The following IQCE variants were observed in gnomAD, a reference collection of about 807,000 sequenced individuals.
IQCE encodes the protein IQ motif containing E, also known as IQ domain-containing protein E.
Under a neutral mutation model 96.0 loss-of-function variants are expected in IQCE, and 115 were observed. The observed-to-expected ratio is 1.20, with a 90% CI of 1.03 to 1.40. The LOEUF is 1.40. IQCE is among the 40% of genes most tolerant of loss of function. The pLI is 0.00. For synonymous variants in IQCE, 412 were observed against 371.2 expected, an observed-to-expected ratio of 1.11 and a Z score of -1.26; for missense variants, 1,041 against 909.1, an observed-to-expected ratio of 1.15 and a Z score of -1.87.
In IQCE at chr7:2,582,579, G is replaced by T; in HGVS notation, c.631-1G>T. The stretch of plus-strand genomic sequence containing the variant: ...GCCTGATGGGCACGTTCCCCGGGCA[G>T]GTCATTAACGGGCTGAAGCAGAGGA... On this transcript the variant is annotated splice_acceptor_variant, in intron 8 of 21. Coordinates refer to ENST00000402050, the MANE Select transcript of IQCE (RefSeq NM_152558.5). LOFTEE classifies it high-confidence loss of function. The T allele has an allele frequency of 1.2e-6, 2 of 1,613,952 alleles. No homozygotes were observed. The highest frequency in any genetic ancestry group is 1.7e-6 in the Non-Finnish European group (2 of 1,179,922).
At chr7:2,583,851 G>A (rs1372267077) in intron 10 of IQCE, 142 bp downstream of exon 10, 1 of 96,382 alleles carries the variant, frequency 1.0e-5, no homozygotes, top group East Asian at 3.4e-4. Flanking sequence ...GCGGCGGGGC[G>A]GAGGGCGGGC....
chr7:2,562,285 C>CATATATATATATATATATATAT (rs59044593), intron 1 of IQCE, among the ~76,000 whole-genome samples: 14 of 146,308 alleles, frequency 9.6e-5, no homozygotes, highest in African/African-American at 3.3e-4. Flanking sequence ...AATTAGGGTA[C>CATATATATATATATATATATAT]ATATATATAT....
intron 17 of IQCE, 45 bp downstream of exon 17, chr7:2,598,677 G>C: frequency 4.9e-6 from 7 of 1,430,762 alleles, no homozygotes; most frequent in Non-Finnish European, 6.4e-6. Context: ...GTGAGTCTTC[G>C]TGCTCCAAGG....
At chr7:2,596,358 C>G (rs557082505) in intron 16 of IQCE, among the ~76,000 whole-genome samples, 5 of 148,880 alleles carry the variant, frequency 3.4e-5, no homozygotes, top group Non-Finnish European at 7.4e-5. Context: ...TCTGAAAACA[C>G]TATTGAAATA....
intron 7 of IQCE, 51 bp from the exon 8 acceptor site, chr7:2,578,425 G>C: frequency 6.3e-7 from 1 of 1,593,410 alleles, no homozygotes. Context: ...AGCCAGCCCT[G>C]CTGGGGGCTA....
At chr7:2,590,569 A>G (rs949517989) in intron 14 of IQCE, among the ~76,000 whole-genome samples, 1 of 152,042 alleles carries the variant, frequency 6.6e-6, no homozygotes, top group Non-Finnish European at 1.5e-5. Flanking sequence ...GTTTCAGACC[A>G]GCCTGGGCAA....
intron 1 of IQCE, among the ~76,000 whole-genome samples, chr7:2,562,564 T>G (rs1781043681): frequency 6.6e-6 from 1 of 151,852 alleles, no homozygotes; most frequent in African/African-American, 2.4e-5. Flanking sequence ...GGTGTTTCTT[T>G]ACTTCTATAA....
At chr7:2,582,445 C>A (rs140474240) in intron 8 of IQCE, 135 bp from the exon 9 acceptor site, 2 of 736,076 alleles carry the variant, frequency 2.7e-6, no homozygotes, top group East Asian at 5.4e-5. Flanking sequence ...TCCCTGGGCC[C>A]GTAGTCTAGA....
chr7:2,596,820 G>T (rs1332367239), intron 16 of IQCE: 1 of 383,762 alleles, frequency 2.6e-6, no homozygotes, highest in Admixed American at 3.1e-5. Flanking sequence ...GAGGGAAGAT[G>T]AGGCTCTTCT....
intron 3 of IQCE, among the ~76,000 whole-genome samples, chr7:2,571,181 G>A (rs1318271328): frequency 6.6e-6 from 1 of 152,194 alleles, no homozygotes; most frequent in South Asian, 2.1e-4. Context: ...ACCACACCCA[G>A]CTAATTTTTA....
chr7:2,608,338 C>T (rs1224207785), intron 21 of IQCE, among the ~76,000 whole-genome samples: 3 of 152,206 alleles, frequency 2.0e-5, no homozygotes, highest in African/African-American at 4.8e-5. Flanking sequence ...GCCTTCCCTC[C>T]CCAGGGGGTC....
At chr7:2,584,411 C>G in intron 11 of IQCE, 126 bp downstream of exon 11, 1 of 862,964 alleles carries the variant, frequency 1.2e-6, no homozygotes, top group Middle Eastern at 2.4e-4. Context: ...GCTGCCAACA[C>G]TGCACCTGTT....
chr7:2,567,068 A>G, intron 1 of IQCE, 48 bp from the exon 2 acceptor site: 1 of 1,538,010 alleles, frequency 6.5e-7, no homozygotes, highest in Non-Finnish European at 9.0e-7. Flanking sequence ...GATGGTCGGA[A>G]GCCCAGCAGG....
At position 2,573,498 on chromosome 7, in the gene IQCE, C is replaced by A; in HGVS notation, c.465+10C>A. The stretch of plus-strand genomic sequence containing the variant: ...TATTGAGTTAAAGAAGGTAGTATTT[C>A]GGTTTGTTCTCTATTGATTTGAAAC... On this transcript the variant is annotated intron_variant, in intron 6 of 21. Coordinates refer to ENST00000402050, the MANE Select transcript of IQCE (RefSeq NM_152558.5). 6.9e-7 allele frequency: 1 copy of A among 1,443,256 alleles called. No individual in the cohort carries two copies. 89.4% of individuals were successfully genotyped at this position (1,443,256 alleles called of 1,614,324 possible). A position where few individuals can be genotyped will look rare whatever the true frequency, so the allele number is the denominator to read the frequency against.
rs1424591159 is a variant in IQCE at position 2,604,931 on chromosome 7, G to C, written c.1683G>C (p.Lys561Asn). 2 of 1,613,768 alleles carry C rather than the reference G, an allele frequency of 1.2e-6. No individual in the cohort carries two copies. Among genetic ancestry groups the C allele is most frequent in the African/African-American group, 2.7e-5 (2 of 75,056 alleles). ...AAFRGHLTRT[K>N]LLASKAHGSE... is the part of the protein sequence containing the mutation. The stretch of plus-strand genomic sequence containing the variant: ...TCAGGGGACATCTCACGCGGACAAA[G>C]CTCTTAGCAAGCAAAGCACATGGCT... Residue 561 changes from lysine to asparagine, a missense_variant, in exon 19 of 22, where the codon AAG becomes AAC. Lys to Asn is a moderately conservative substitution (Grantham distance 94). Transcript: ENST00000402050.
At chr7:2,578,635 A>C in intron 8 of IQCE, 109 bp downstream of exon 8, 3 of 1,246,394 alleles carry the variant, frequency 2.4e-6, no homozygotes, top group Non-Finnish European at 3.5e-6. Flanking sequence ...AGCAGCAGGC[A>C]GGGGGGAGGC....
At chr7:2,609,683 G>C (rs1482618842) in intron 21 of IQCE, among the ~76,000 whole-genome samples, 2 of 151,718 alleles carry the variant, frequency 1.3e-5, no homozygotes, top group Non-Finnish European at 2.9e-5. Context: ...AGGCTGGAGA[G>C]TGAGGCTTTC....
At chr7:2,608,641 G>C (rs548544782) in intron 21 of IQCE, among the ~76,000 whole-genome samples, 1 of 152,206 alleles carries the variant, frequency 6.6e-6, no homozygotes, top group Non-Finnish European at 1.5e-5. Context: ...TCCGGGAGCC[G>C]ATTCTACCGG....
At chr7:2,566,056 T>G (rs1029981481) in intron 1 of IQCE, among the ~76,000 whole-genome samples, 1 of 152,234 alleles carries the variant, frequency 6.6e-6, no homozygotes. Flanking sequence ...CATCCCATTA[T>G]GATACTGCGT....
Sources: gnomAD v4.1 joint callset for allele counts (sites outside exome capture counted in the v4.1 genomes callset) on GRCh38, gnomAD v4.1.1 for gene constraint, MANE v1.5 for transcripts, NCBI Gene and HGNC (gene_info 2026-07-23, HGNC 2026-07-21) for gene names.